PLEKHB1: variants seen among roughly 807,000 people sequenced by gnomAD.
PLEKHB1 encodes pleckstrin homology domain-containing family B member 1.
PLEKHB1 carries 29 observed loss-of-function variants against 36.2 expected under a neutral mutation model. The ratio of observed to expected loss-of-function variants is 0.80; its 90% CI spans 0.60 to 1.09. The LOEUF (loss-of-function observed/expected upper bound fraction) is 1.09. Ranked by LOEUF, PLEKHB1 falls within the 50% of genes least tolerant of loss-of-function variation. PLEKHB1 has a pLI of 0.00. For synonymous variants in PLEKHB1, 138 were observed against 140.0 expected, an observed-to-expected ratio of 0.99 and a Z score of 0.10; for missense variants, 330 against 348.2, an observed-to-expected ratio of 0.95 and a Z score of 0.42.
In PLEKHB1 at chr11:73,661,184, T is replaced by C. The variant is rs1270728957; in HGVS notation, c.596-282T>C. On this transcript the variant is annotated intron_variant, in intron 7 of 7. Transcript: ENST00000354190. The surrounding 1 kb of genome is among the most constrained non-coding windows in gnomAD (Gnocchi z 4.6). Reference sequence around the variant, plus strand: ...CCTGGCGGTTGGGAATGCCCATCGTTAGGCGCCTGGTGGTTGTGCTTAGCG... The same window carrying C: ...CCTGGCGGTTGGGAATGCCCATCGTCAGGCGCCTGGTGGTTGTGCTTAGCG... Among the ~76,000 whole-genome samples the C allele has an allele frequency of 1.3e-5, 2 of 152,174 alleles. No individual in the cohort carries two copies. Among genetic ancestry groups the C allele is most frequent in the African/African-American group, 4.8e-5 (2 of 41,456 alleles).
At chr11:73,660,947 C>T in intron 7 of PLEKHB1, 95 bp downstream of exon 7, 1 of 1,155,666 alleles carries the variant, frequency 8.7e-7, no homozygotes, top group Non-Finnish European at 1.3e-6. Flanking sequence ...CAGGCTTCAT[C>T]CTTTTAGCGT....
chr11:73,652,148 G>C, intron 4 of PLEKHB1: 1 of 513,468 alleles, frequency 1.9e-6, no homozygotes, highest in South Asian at 2.2e-5. Flanking sequence ...TCAGGTATCT[G>C]GTTCCTGGTC....
At position 73,662,135 on chromosome 11, in the gene PLEKHB1, A is replaced by G. The variant is rs1359131577; in HGVS notation, c.*533A>G. 6.5e-6 allele frequency: 1 copy of G among 152,734 alleles called. No homozygotes were observed. The highest frequency in any genetic ancestry group is 1.5e-5 in the Non-Finnish European group (1 of 68,418). 9.5% of individuals were successfully genotyped at this position (152,734 alleles called of 1,614,324 possible). ...GAGCCGTGAACGTCATGGCATGTCC[A>G]AGGAATTAAATGGGAGTTCATTTGG... On this transcript the variant is annotated 3_prime_UTR_variant, in exon 8 of 8. Transcript: ENST00000354190.
At chr11:73,658,049 A>T (rs1275835449) in intron 6 of PLEKHB1, among the ~76,000 whole-genome samples, 1 of 152,236 alleles carries the variant, frequency 6.6e-6, no homozygotes, top group Non-Finnish European at 1.5e-5. Context: ...GATTAGACCC[A>T]GTCTCTGCCC....
intron 6 of PLEKHB1, among the ~76,000 whole-genome samples, chr11:73,659,945 T>C (rs72974828): frequency 0.086 from 13,040 of 152,276 alleles, 735 homozygotes; most frequent in Admixed American, 0.11. Flanking sequence ...TTTGGGTCAA[T>C]GATGGACCAC....
intron 1 of PLEKHB1, 51 bp downstream of exon 1, chr11:73,646,677 A>C: frequency 6.5e-7 from 1 of 1,543,102 alleles, no homozygotes. Flanking sequence ...CAGGGTGGGC[A>C]CCCTTGCCAC....
Position 73,661,423 on chromosome 11 carries a change from C to T in PLEKHB1, c.596-43C>T. 1.2e-6 allele frequency: 2 copies of T among 1,608,786 alleles called. No homozygotes were observed. Among genetic ancestry groups the T allele is most frequent in the Non-Finnish European group, 1.7e-6 (2 of 1,175,600 alleles). On this transcript the variant is annotated intron_variant, in intron 7 of 7. Transcript: ENST00000354190. The surrounding 1 kb of genome is among the most constrained non-coding windows in gnomAD (Gnocchi z 4.6). ...GGAAGGGTACGAAGATCACTCTACT[C>T]CCTCCTAAGTCGCTGATCCTCATGG...
At chr11:73,651,031 A>T (rs1565328776) in intron 3 of PLEKHB1, among the ~76,000 whole-genome samples, 1 of 151,424 alleles carries the variant, frequency 6.6e-6, no homozygotes, top group East Asian at 1.9e-4. Context: ...ATGCGGTCAC[A>T]TATGGCTACT....
chr11:73,660,792 G>T lies in PLEKHB1; in HGVS notation c.535G>T (p.Val179Leu). ...YSPYQDYYEV[V>L]PPNAHEATYV... The stretch of plus-strand genomic sequence containing the variant: ...CCCGTACCAAGACTACTACGAGGTG[G>T]TGCCCCCCAATGCACACGAGGCCAC... The change falls in exon 7 of 8, where the codon GTG becomes TTG. Residue 179 changes from valine to leucine, a missense_variant. Val to Leu is a conservative substitution (Grantham distance 32). Transcript: ENST00000354190. 6.2e-7 allele frequency: 1 copy of T among 1,602,496 alleles called. No individual in the cohort carries two copies. Among genetic ancestry groups the T allele is most frequent in the East Asian group, 2.3e-5 (1 of 44,280 alleles).
rs1382247459 is a variant in PLEKHB1 at position 73,650,670 on chromosome 11, A to G, written c.212A>G (p.Asn71Ser). ...GAGGACCGTGTGCTCATCCACTTCA[A>G]TGTCCGTGACATAAAGATCGGCCCA... ...DEEDRVLIHF[N>S]VRDIKIGPEC... The change falls in exon 3 of 8, where the codon AAT (asparagine) becomes AGT (serine). Residue 71 changes from asparagine to serine, a missense_variant. Coordinates refer to ENST00000354190, the MANE Select transcript of PLEKHB1 (RefSeq NM_021200.3). The G allele has an allele frequency of 1.2e-6, 2 of 1,610,468 alleles. No individual in the cohort carries two copies. The highest frequency in any genetic ancestry group is 2.2e-5 in the South Asian group (2 of 90,142).
In PLEKHB1 at chr11:73,655,813, G is replaced by T. The variant is rs1169249863; in HGVS notation, c.401G>T (p.Gly134Val). The change falls in exon 6 of 8, where the codon GGA becomes GTA. Residue 134 changes from glycine to valine, a missense_variant. Transcript: ENST00000354190. ...LEANSTPAPA[G>V]ATVPPRSRRV... The stretch of plus-strand genomic sequence containing the variant: ...CTGTGGCTTGAGCAGGCCCCAGCTG[G>T]AGCCACCGTCCCTCCCAGGAGCCGC... 6.2e-7 allele frequency: 1 copy of T among 1,613,442 alleles called. No homozygotes were observed. The highest frequency in any genetic ancestry group is 1.1e-5 in the South Asian group (1 of 91,070).
intron 6 of PLEKHB1, among the ~76,000 whole-genome samples, chr11:73,659,226 C>A (rs866239162): frequency 5.3e-4 from 76 of 142,466 alleles, no homozygotes; most frequent in South Asian, 9.1e-4. Flanking sequence ...AACTCTGTCT[C>A]AAAAAAAAAA....
At chr11:73,653,817 G>A (rs1004015776) in intron 5 of PLEKHB1, among the ~76,000 whole-genome samples, 1 of 152,182 alleles carries the variant, frequency 6.6e-6, no homozygotes, top group African/African-American at 2.4e-5. Context: ...AGGAGGGAAG[G>A]AGGGTTGGCA....
At chr11:73,655,233 G>A (rs1480101358) in intron 5 of PLEKHB1, among the ~76,000 whole-genome samples, 3 of 152,074 alleles carry the variant, frequency 2.0e-5, no homozygotes, top group African/African-American at 7.2e-5. Flanking sequence ...ACATATACAC[G>A]TCCTTCTGTG....
At chr11:73,648,022 TCA>T (rs1449330723) in intron 1 of PLEKHB1, 1 of 979,466 alleles carries the variant, frequency 1.0e-6, no homozygotes, top group Non-Finnish European at 1.2e-6. Context: ...TTGCTAACCC[TCA>T]GTTTGTCCAT....
At position 73,660,924 on chromosome 11, in the gene PLEKHB1, C is replaced by T. The variant is rs972865278; in HGVS notation, c.595+72C>T. ...TCAGCGCCAGGCCCAGCCCACGGTC[C>T]GTAAGTCCGGACCAGGCTTCATCCT... On this transcript the variant is annotated intron_variant, in intron 7 of 7. Transcript: ENST00000354190. 2.0e-5 allele frequency: 27 copies of T among 1,373,590 alleles called. No homozygotes were observed. In the African/African-American group the frequency reaches 3.2e-4, roughly 16 times the overall value. The allele number at this position is 1,373,590 out of a possible 1,614,324, so 85.1% of individuals were successfully genotyped here.
At chr11:73,652,104 C>A (rs1029099486) in intron 4 of PLEKHB1, 1 of 571,298 alleles carries the variant, frequency 1.8e-6, no homozygotes, top group Non-Finnish European at 3.1e-6. Flanking sequence ...ACAGTGAACT[C>A]AGGATTGCTG....
intron 2 of PLEKHB1, among the ~76,000 whole-genome samples, chr11:73,649,468 C>G (rs1437641281): frequency 6.6e-6 from 1 of 152,136 alleles, no homozygotes; most frequent in Non-Finnish European, 1.5e-5. Context: ...CAGACTGGCC[C>G]CAGTCTGCGA....
chr11:73,649,039 C>A lies in PLEKHB1; in HGVS notation c.46C>A (p.Pro16Thr). ...CCCGCCTGACTCCGCTCTGGAAAGT[C>A]CTTTTGAAGAAATGGCCCTGGTGAG... is the stretch of plus-strand genomic sequence containing the variant. ...PVPPDSALES[P>T]FEEMALVRGG... Residue 16 changes from proline (P) to threonine (T), a missense_variant, in exon 2 of 8, where the codon CCT (proline) becomes ACT (threonine). Physicochemically the swap from Pro to Thr is conservative, Grantham distance 38. Transcript: ENST00000354190. The A allele has an allele frequency of 6.2e-7, 1 of 1,601,368 alleles. No individual in the cohort carries two copies. The highest frequency in any genetic ancestry group is 1.7e-4 in the Middle Eastern group (1 of 6,048).
Sources: gnomAD v4.1 joint callset for allele counts (sites outside exome capture counted in the v4.1 genomes callset) on GRCh38, gnomAD v4.1.1 for gene constraint, Gnocchi (gnomAD v3.1) non-coding constraint, MANE v1.5 for transcripts, NCBI Gene and HGNC (gene_info 2026-07-23, HGNC 2026-07-21) for gene names.